The following KCND2 variants were observed in gnomAD, a reference collection of about 807,000 sequenced individuals.
The protein encoded by KCND2 is A-type voltage-gated potassium channel KCND2.
In KCND2, 16 loss-of-function variants were observed where a neutral mutation model predicts 54.4. That is an observed-to-expected ratio of 0.29 (90% CI 0.20 to 0.45). The LOEUF (loss-of-function observed/expected upper bound fraction) is 0.45. Among genes scored for constraint, KCND2 ranks in the 20% least tolerant of loss-of-function variants. KCND2 has a pLI of 1.00. For synonymous variants in KCND2, 317 were observed against 310.7 expected, an observed-to-expected ratio of 1.02 and a Z score of -0.21; for missense variants, 486 against 824.2, an observed-to-expected ratio of 0.59 and a Z score of 5.02.
chr7:120,548,639 A>G (rs538223280), intron 1 of KCND2, among the ~76,000 whole-genome samples: 1 of 152,156 alleles, frequency 6.6e-6, no homozygotes, highest in Admixed American at 6.5e-5. Context: ...TGCACATTTC[A>G]TATTTGTCAA....
At chr7:120,406,246 TCAAA>T (rs1341958344) in intron 1 of KCND2, among the ~76,000 whole-genome samples, 2 of 152,026 alleles carry the variant, frequency 1.3e-5, no homozygotes, top group Non-Finnish European at 2.9e-5. Flanking sequence ...CAAATAAAAT[TCAAA>T]GTGGTGTATT....
chr7:120,397,995 GTATATATATA>G (rs200944488), intron 1 of KCND2, among the ~76,000 whole-genome samples: 31,874 of 92,924 alleles, frequency 0.34, 5,861 homozygotes, highest in South Asian at 0.51. Flanking sequence ...GTGTGTGTGT[GTATATATATA>G]TATATATATA....
At chr7:120,650,434 T>G (rs973535065) in intron 1 of KCND2, among the ~76,000 whole-genome samples, 2 of 143,334 alleles carry the variant, frequency 1.4e-5, no homozygotes, top group Non-Finnish European at 3.0e-5. Context: ...GCATTTGTCG[T>G]GTAGTTCTCG....
intron 1 of KCND2, among the ~76,000 whole-genome samples, chr7:120,462,165 A>T (rs1802292626): frequency 7.5e-6 from 1 of 133,636 alleles, no homozygotes; most frequent in African/African-American, 3.5e-5. Context: ...AGCACACTTC[A>T]AAGTGATTGT....
At chr7:120,620,964 G>A (rs1793090140) in intron 1 of KCND2, among the ~76,000 whole-genome samples, 1 of 152,074 alleles carries the variant, frequency 6.6e-6, no homozygotes, top group Non-Finnish European at 1.5e-5. Flanking sequence ...ATAGTCACAT[G>A]ATATGGTTCC....
At position 120,385,733 on chromosome 7, in the gene KCND2, A is replaced by T. The variant is rs1482516237; in HGVS notation, c.1115+109986A>T. Among the ~76,000 whole-genome samples, 854 of 152,304 alleles carry T rather than the reference A, an allele frequency of 5.6e-3. 4 individuals carry two copies. The highest frequency in any genetic ancestry group is 0.019 in the African/African-American group (786 of 41,578). On this transcript the variant is annotated intron_variant, in intron 1 of 5. Transcript: ENST00000331113. ...AACTATGAATGTCTAGTTCAAGACA[A>T]CATTAAAGGTTTTGAGGAAAGAAAA... is the stretch of plus-strand genomic sequence containing the variant.
chr7:120,613,984 A>G (rs1292586661), intron 1 of KCND2, among the ~76,000 whole-genome samples: 4 of 148,698 alleles, frequency 2.7e-5, no homozygotes, highest in Admixed American at 2.7e-4. Flanking sequence ...TAGATAAACA[A>G]CTCTCTAACA....
chr7:120,550,551 C>A (rs78948735), intron 1 of KCND2, among the ~76,000 whole-genome samples: 137 of 152,180 alleles, frequency 9.0e-4, no homozygotes, highest in African/African-American at 3.2e-3. Flanking sequence ...CTAAATAGTG[C>A]TTGATGTTAT....
At chr7:120,302,285 A>G (rs1157354461) in intron 1 of KCND2, among the ~76,000 whole-genome samples, 2 of 152,162 alleles carry the variant, frequency 1.3e-5, no homozygotes, top group Non-Finnish European at 2.9e-5. Context: ...TGTTTGAGAC[A>G]GTCTCACTCT....
chr7:120,478,778 G>A (rs1802564837), intron 1 of KCND2, among the ~76,000 whole-genome samples: 1 of 151,984 alleles, frequency 6.6e-6, no homozygotes, highest in African/African-American at 2.4e-5. Flanking sequence ...CAGACTAGAG[G>A]GACAGGGTCT....
intron 5 of KCND2, 86 bp downstream of exon 5, chr7:120,746,113 A>G (rs1793003086): frequency 3.4e-6 from 5 of 1,460,378 alleles, no homozygotes; most frequent in Admixed American, 3.4e-5. Context: ...CTTACATGGC[A>G]TCTAAATCCC....
chr7:120,681,310 A>G (rs1369174121), intron 1 of KCND2, among the ~76,000 whole-genome samples: 1 of 152,010 alleles, frequency 6.6e-6, no homozygotes, highest in Non-Finnish European at 1.5e-5. Flanking sequence ...GGATGGCATA[A>G]ATGGATTCTA....
chr7:120,652,291 G>A (rs1009567790), intron 1 of KCND2, among the ~76,000 whole-genome samples: 3 of 152,124 alleles, frequency 2.0e-5, no homozygotes, highest in Non-Finnish European at 4.4e-5. Context: ...GGCCAGGATG[G>A]TCTTGATCTC....
At chr7:120,735,653 T>C (rs1309281790) in intron 2 of KCND2, among the ~76,000 whole-genome samples, 2 of 152,104 alleles carry the variant, frequency 1.3e-5, no homozygotes, top group African/African-American at 4.8e-5. Flanking sequence ...TAATGTGACA[T>C]TCTAAAAGTA....
intron 1 of KCND2, among the ~76,000 whole-genome samples, chr7:120,412,373 C>T (rs1272339207): frequency 6.6e-6 from 1 of 151,914 alleles, no homozygotes; most frequent in Non-Finnish European, 1.5e-5. Flanking sequence ...GGTCTTGTGC[C>T]ATTTCCTTTT....
At chr7:120,683,924 CAG>C (rs770018782) in intron 1 of KCND2, among the ~76,000 whole-genome samples, 1 of 152,044 alleles carries the variant, frequency 6.6e-6, no homozygotes, top group African/African-American at 2.4e-5. Context: ...GCACAGTAAA[CAG>C]AGATGGTTCC....
intron 1 of KCND2, among the ~76,000 whole-genome samples, chr7:120,450,410 A>C (rs1802085340): frequency 6.6e-6 from 1 of 152,296 alleles, no homozygotes; most frequent in East Asian, 1.9e-4. Flanking sequence ...TCCGTCTAAA[A>C]AAAGAAAAAA....
intron 1 of KCND2, among the ~76,000 whole-genome samples, chr7:120,394,304 T>C (rs1171996679): frequency 6.6e-6 from 1 of 151,758 alleles, no homozygotes; most frequent in Non-Finnish European, 1.5e-5. Flanking sequence ...CATAGGGGTG[T>C]GGAAAAGGGT....
chr7:120,635,352 C>A (rs1388052388), intron 1 of KCND2, among the ~76,000 whole-genome samples: 1 of 152,190 alleles, frequency 6.6e-6, no homozygotes, highest in East Asian at 1.9e-4. Context: ...GAGAGGACTG[C>A]AACATTGGCT....
Sources: gnomAD v4.1 joint callset for allele counts (sites outside exome capture counted in the v4.1 genomes callset) on GRCh38, gnomAD v4.1.1 for gene constraint, MANE v1.5 for transcripts, NCBI Gene and HGNC (gene_info 2026-07-23, HGNC 2026-07-21) for gene names.